The following MYO10 variants were observed in gnomAD, a reference collection of about 807,000 sequenced individuals.
MYO10 encodes myosin X.
A neutral mutation model predicts 257.3 loss-of-function variants in MYO10; 133 were observed. That is an observed-to-expected ratio of 0.52 (90% CI 0.45 to 0.60). MYO10 has a LOEUF of 0.60. Among genes scored for constraint, MYO10 ranks in the 20% least tolerant of loss-of-function variants. The probability of loss-of-function intolerance (pLI) is 0.00; values close to 1 mark genes in which losing one functional copy is unlikely to be tolerated. For synonymous variants in MYO10, 1,104 were observed against 1,028.6 expected (o/e 1.07, Z -1.40); for missense variants, 2,399 against 2,635.7 (o/e 0.91, Z 1.97).
chr5:16,726,715 C>A (rs1015267378), intron 19 of MYO10, among the ~76,000 whole-genome samples: 8 of 152,116 alleles, frequency 5.3e-5, no homozygotes, highest in Admixed American at 3.9e-4. Context: ...CTGAATATTT[C>A]TGAATGAAAT....
intron 19 of MYO10, among the ~76,000 whole-genome samples, chr5:16,723,573 AAC>A (rs1739240340): frequency 6.6e-6 from 1 of 152,126 alleles, no homozygotes; most frequent in African/African-American, 2.4e-5. Flanking sequence ...TTAAAAGCTG[AAC>A]ACAGTCTTAA....
chr5:16,745,414 G>C (rs183292268), intron 19 of MYO10, among the ~76,000 whole-genome samples: 1 of 152,134 alleles, frequency 6.6e-6, no homozygotes, highest in Non-Finnish European at 1.5e-5. Context: ...GACCAGGCAC[G>C]GTGAGTCACA....
At chr5:16,739,910 CAGCATCTA>C (rs747507269) in intron 19 of MYO10, among the ~76,000 whole-genome samples, 2 of 152,110 alleles carry the variant, frequency 1.3e-5, no homozygotes, top group Non-Finnish European at 2.9e-5. Flanking sequence ...ACGCAAACCC[CAGCATCTA>C]ATGCGGTGGT....
At chr5:16,684,710 G>A (rs565873245) in intron 29 of MYO10, among the ~76,000 whole-genome samples, 1 of 118,458 alleles carries the variant, frequency 8.4e-6, no homozygotes, top group East Asian at 2.3e-4. Context: ...TTCCAAAGCA[G>A]GGTTTTGTAA....
At chr5:16,855,653 G>C (rs1743940045) in intron 2 of MYO10, among the ~76,000 whole-genome samples, 1 of 152,194 alleles carries the variant, frequency 6.6e-6, no homozygotes, top group African/African-American at 2.4e-5. Context: ...GATCTCTTTT[G>C]AGTCCTTTGT....
At chr5:16,912,421 G>A (rs1057277524) in intron 1 of MYO10, among the ~76,000 whole-genome samples, 46 of 152,210 alleles carry the variant, frequency 3.0e-4, no homozygotes, top group African/African-American at 9.9e-4. Flanking sequence ...CTCAGTGCAC[G>A]CACTTTCCTT....
At chr5:16,780,352 C>A (rs1741386094) in intron 8 of MYO10, among the ~76,000 whole-genome samples, 172 bp downstream of exon 8, 1 of 152,038 alleles carries the variant, frequency 6.6e-6, no homozygotes, top group Non-Finnish European at 1.5e-5. Flanking sequence ...AATTTTCTCC[C>A]TATTATTTCT....
At chr5:16,699,013 G>C (rs766039668) in intron 26 of MYO10, among the ~76,000 whole-genome samples, 38 of 152,084 alleles carry the variant, frequency 2.5e-4, no homozygotes, top group Non-Finnish European at 4.7e-4. Flanking sequence ...GTATATATGA[G>C]AGAGAGCAAT....
chr5:16,780,760 G>C lies in MYO10; in HGVS notation c.728-19C>G, dbSNP rs1293957854. On this transcript the variant is annotated intron_variant, in intron 6 of 40. Coordinates refer to ENST00000513610, the MANE Select transcript of MYO10 (RefSeq NM_012334.3). ...AATAAATCTTCATGTGAAAAGCAAT[G>C]GCAAGTCAAGGAAAAAAACAAAGCT... is the stretch of plus-strand genomic sequence containing the variant. 1.3e-6 allele frequency: 2 copies of C among 1,567,508 alleles called. No homozygotes were observed. The highest frequency in any genetic ancestry group is 2.7e-5 in the African/African-American group (2 of 74,046).
In MYO10 at chr5:16,764,166, AAG is replaced by A. The variant is rs1740800873; in HGVS notation, c.1326+82_1326+83del. ...CTTCTCAAAAAAAAAAAGAAAAAAA[AAG>A]AGTTTGCTCACAGAGATTTGTTCAA... is the stretch of plus-strand genomic sequence containing the variant. On this transcript the variant is annotated intron_variant, in intron 12 of 40. Coordinates refer to ENST00000513610, the MANE Select transcript of MYO10 (RefSeq NM_012334.3). The A allele has an allele frequency of 6.1e-6, 9 of 1,479,250 alleles. No homozygotes were observed. In the African/African-American group the frequency reaches 8.5e-5, roughly 14 times the overall value. The allele number at this position is 1,479,250 out of a possible 1,614,324, so 91.6% of individuals were successfully genotyped here. A position where few individuals can be genotyped will look rare whatever the true frequency, so the allele number is the denominator to read the frequency against.
At chr5:16,746,956 C>T (rs1187095649) in intron 19 of MYO10, among the ~76,000 whole-genome samples, 2 of 152,168 alleles carry the variant, frequency 1.3e-5, no homozygotes, top group African/African-American at 2.4e-5. Flanking sequence ...CAGTTTAAAC[C>T]TTGTCATGTG....
In MYO10 at chr5:16,665,957, C is replaced by T. The variant is rs1249954635; in HGVS notation, c.*735G>A. ...GATTTGGGTTTGTTAATAAAACCAC[C>T]TTATAAAGTAACAATTGAGACTATA... On this transcript the variant is annotated 3_prime_UTR_variant, in exon 41 of 41. Transcript: ENST00000513610. 6.6e-6 allele frequency: 1 copy of T among 152,506 alleles called. No homozygotes were observed. Among genetic ancestry groups the T allele is most frequent in the Non-Finnish European group, 1.5e-5 (1 of 68,012 alleles). 9.4% of individuals were successfully genotyped at this position (152,506 alleles called of 1,614,324 possible).
chr5:16,730,219 C>A (rs148933653), intron 19 of MYO10, among the ~76,000 whole-genome samples: 1 of 152,306 alleles, frequency 6.6e-6, no homozygotes, highest in Non-Finnish European at 1.5e-5. Context: ...CAAGTCCTGA[C>A]CCTGTGGAGC....
rs950835505 is a variant in MYO10, at chr5:16,677,407, T to C, written c.4543-1253A>G. Among the ~76,000 whole-genome samples the C allele has an allele frequency of 2.8e-5, 4 of 145,056 alleles. 1 individual carries two copies. Among genetic ancestry groups the C allele is most frequent in the Admixed American group, 1.4e-4 (2 of 14,640 alleles). On this transcript the variant is annotated intron_variant, in intron 33 of 40. Coordinates refer to ENST00000513610, the MANE Select transcript of MYO10 (RefSeq NM_012334.3). ...AACAATTTTATGGACTTATTTAGGG[T>C]AACTTGACCTTTTTTTTTTTTTTTT...
intron 2 of MYO10, among the ~76,000 whole-genome samples, chr5:16,862,811 G>T (rs1027919766): frequency 2.0e-5 from 3 of 152,058 alleles, no homozygotes; most frequent in Admixed American, 2.0e-4. Context: ...GCAACCACAG[G>T]GGTCAATAGC....
chr5:16,741,905 T>C, intron 19 of MYO10: 1 of 985,434 alleles, frequency 1.0e-6, no homozygotes, highest in African/African-American at 1.7e-5. Flanking sequence ...AAAAATGGGC[T>C]TTCTTCGGCT....
chr5:16,762,488 T>A (rs764066008), intron 15 of MYO10, 57 bp downstream of exon 15: 10 of 1,385,888 alleles, frequency 7.2e-6, no homozygotes, highest in Non-Finnish European at 1.0e-5. Context: ...TGGTGTGTAA[T>A]CCCAACCCAC....
chr5:16,925,521 C>T (rs1746108245), intron 1 of MYO10, among the ~76,000 whole-genome samples: 1 of 152,316 alleles, frequency 6.6e-6, no homozygotes, highest in Non-Finnish European at 1.5e-5. Flanking sequence ...AGCAATTCTC[C>T]TGCCTCAGCC....
In MYO10 at chr5:16,794,913, T is replaced by A. The variant is rs915888671; in HGVS notation, c.280-80A>T. 5 of 1,149,926 alleles carry A rather than the reference T, an allele frequency of 4.3e-6. No homozygotes were observed. In the Admixed American group the frequency reaches 2.1e-4, roughly 48 times the overall value. The allele number at this position is 1,149,926 out of a possible 1,614,324, so 71.2% of individuals were successfully genotyped here. On this transcript the variant is annotated intron_variant, in intron 3 of 40. Coordinates refer to ENST00000513610, the MANE Select transcript of MYO10 (RefSeq NM_012334.3). The stretch of plus-strand genomic sequence containing the variant: ...GAGCTCCAACAAAACCCACCGAGTG[T>A]GCGCCAGGGGGAAAGACGTCTTCTG...
Sources: gnomAD v4.1 joint callset for allele counts (sites outside exome capture counted in the v4.1 genomes callset) on GRCh38, gnomAD v4.1.1 for gene constraint, MANE v1.5 for transcripts, NCBI Gene and HGNC (gene_info 2026-07-23, HGNC 2026-07-21) for gene names.